Variants in FLG observed in about 807,000 individuals in gnomAD.
FLG encodes the protein epidermal filaggrin.
FLG carries 6 observed loss-of-function variants against 3.8 expected under a neutral mutation model. That is an observed-to-expected ratio of 1.60 (90% confidence interval 0.87 to 3.15). The LOEUF is 3.15. FLG is among the 30% of genes most tolerant of loss of function. FLG has a pLI of 0.00. For missense variants in FLG, 7,595 were observed against 5,050.9 expected, an observed-to-expected ratio of 1.50 and a Z score of -15.27; for synonymous variants, 2,551 against 1,931.6, an observed-to-expected ratio of 1.32 and a Z score of -8.41.
At position 152,310,373 on chromosome 1, in the gene FLG, G is replaced by T. The variant is rs780674540; in HGVS notation, c.4513C>A (p.His1505Asn). Reference protein sequence around the residue: ...SSRGGRQGSYHEQSVDRSGHS... With the variant: ...SSRGGRQGSYNEQSVDRSGHS... ...CCAGACCTATCTACTGATTGCTCGT[G>T]GTAGGATCCCTGCCTTCCTCCTCTG... The change falls in exon 3 of 3, where the codon CAC (histidine) becomes AAC (asparagine). Residue 1505 changes from histidine (H) to asparagine (N), a missense_variant. Coordinates refer to ENST00000368799, the MANE Select transcript of FLG (RefSeq NM_002016.2). 2 of 1,613,556 alleles carry T rather than the reference G, an allele frequency of 1.2e-6. No individual in the cohort carries two copies. The highest frequency in any genetic ancestry group is 1.7e-6 in the Non-Finnish European group (2 of 1,179,970).
chr1:152,308,148 G>A lies in FLG; in HGVS notation c.6738C>T (p.Asp2246=), dbSNP rs774174093. The change falls in exon 3 of 3, where the codon GAC becomes GAT. Residue 2246 remains aspartate, a synonymous_variant. Coordinates refer to ENST00000368799, the MANE Select transcript of FLG (RefSeq NM_002016.2). ...SRPRGSSVSQ[D]SDSEGHSEDS... is the part of the protein sequence containing the mutation. ...CTTCTGAGTGTCCCTCACTGTCACT[G>A]TCCTGGCTAACACTGGATCCCCGGG... The A allele has an allele frequency of 6.2e-7, 1 of 1,613,998 alleles. No homozygotes were observed. The highest frequency in any genetic ancestry group is 8.5e-7 in the Non-Finnish European group (1 of 1,180,006).
rs776519489 is a variant in FLG, at chr1:152,303,598, C to A, written c.11288G>T (p.Gly3763Val). Residue 3763 changes from glycine to valine, a missense_variant, in exon 3 of 3, where the codon GGG (glycine) becomes GTG (valine). Gly to Val is a moderately radical substitution (Grantham distance 109). Transcript: ENST00000368799. ...TCCCTGTCTTCCTCCTCTCCTTGACCCCGGGTGTCCACGAATGGTGTCCTG... is the reference window on the plus strand; with the variant it reads ...TCCCTGTCTTCCTCCTCTCCTTGACACCGGGTGTCCACGAATGGTGTCCTG... Reference protein sequence around the residue: ...EGQDTIRGHPGSRRGGRQGSY... With the variant: ...EGQDTIRGHPVSRRGGRQGSY... 1 of 1,613,880 alleles carries A rather than the reference C, an allele frequency of 6.2e-7. No individual in the cohort carries two copies. The highest frequency in any genetic ancestry group is 1.1e-5 in the South Asian group (1 of 91,068).
Position 152,309,709 on chromosome 1 carries a change from G to A in FLG, c.5177C>T (p.Ser1726Leu). The change falls in exon 3 of 3, where the codon TCA (serine) becomes TTA (leucine). Residue 1726 changes from serine to leucine, a missense_variant. Transcript: ENST00000368799. ...GSQASDSEGH[S>L]EESDTQSVSA... The stretch of plus-strand genomic sequence containing the variant: ...CACTGACTGTGTGTCTGACTCTTCT[G>A]AGTGTCCCTCGCTGTCACTGGCCTG... The A allele has an allele frequency of 6.2e-7, 1 of 1,614,060 alleles. No individual in the cohort carries two copies.
chr1:152,311,964 A>T lies in FLG; in HGVS notation c.2922T>A (p.Ala974=), dbSNP rs368643051. ...TGGAGCCATGTCTTGACTGCTCCTG[A>T]GCAGATCCACGATGGTTTCTGGAAG... is the stretch of plus-strand genomic sequence containing the variant. The part of the protein sequence containing the change: ...GSASRNHRGS[A]QEQSRHGSRH... The change falls in exon 3 of 3, where the codon GCT becomes GCA. Residue 974 remains alanine (A), a synonymous_variant. Coordinates refer to ENST00000368799, the MANE Select transcript of FLG (RefSeq NM_002016.2). The T allele has an allele frequency of 6.2e-7, 1 of 1,613,958 alleles. No homozygotes were observed. Among genetic ancestry groups the T allele is most frequent in the Non-Finnish European group, 8.5e-7 (1 of 1,179,956 alleles).
chr1:152,313,568 G>A lies in FLG; in HGVS notation c.1318C>T (p.His440Tyr), dbSNP rs781472255. 4 of 1,613,832 alleles carry A rather than the reference G, an allele frequency of 2.5e-6. No homozygotes were observed. In the South Asian group the frequency reaches 3.3e-5, roughly 13 times the overall value. Residue 440 changes from histidine (H) to tyrosine (Y), a missense_variant, in exon 3 of 3, where the codon CAC becomes TAC. Physicochemically the swap from His to Tyr is moderately conservative, Grantham distance 83. Transcript: ENST00000368799. ...ENSDTQSVSG[H>Y]GKAGLRQQSH... ...TGCTGTCTCAGCCCAGCCTTTCCGT[G>A]GCCTGACACTGATTGTGTGTCTGAG...
Position 152,305,219 on chromosome 1 carries a change from C to A in FLG, c.9667G>T (p.Gly3223Ter), listed in dbSNP as rs774585950. The A allele has an allele frequency of 1.9e-6, 3 of 1,613,378 alleles. No homozygotes were observed. The highest frequency in any genetic ancestry group is 2.5e-6 in the Non-Finnish European group (3 of 1,179,860). The change falls in exon 3 of 3, where the codon GGA becomes TGA. Residue 3223 changes from glycine to a stop codon, truncating the protein, a stop_gained. Coordinates refer to ENST00000368799, the MANE Select transcript of FLG (RefSeq NM_002016.2). LOFTEE classifies it low-confidence loss of function (END_TRUNC). ...SSVSQDSDSE[G>*]HSEDSERWSG... ...CACCTCTCAGAGTCTTCTGAATGTC[C>A]CTCACTGTCACTGTCCTGGCTCACA...
At position 152,310,047 on chromosome 1, in the gene FLG, C is replaced by G. The variant is rs756648697; in HGVS notation, c.4839G>C (p.Ser1613=). Residue 1613 remains serine, a synonymous_variant, in exon 3 of 3, where the codon TCG becomes TCC. Transcript: ENST00000368799. ...HSEDSERRSE[S]ASRNHYGSAR... ...CAGATCCATAATGGTTTCTGGAAGCCGACTCAGACCGCCTCTCAGAGTCTT... is the reference window on the plus strand; with the variant it reads ...CAGATCCATAATGGTTTCTGGAAGCGGACTCAGACCGCCTCTCAGAGTCTT... 1.2e-6 allele frequency: 2 copies of G among 1,613,428 alleles called. No individual in the cohort carries two copies. Among genetic ancestry groups the G allele is most frequent in the Non-Finnish European group, 1.7e-6 (2 of 1,179,880 alleles).
Position 152,305,148 on chromosome 1 carries a change from C to G in FLG, c.9738G>C (p.Gln3246His), listed in dbSNP as rs777693168. ...SRNHRGSVQE[Q>H]SRHGSRHPRS... Reference sequence around the variant, plus strand: ...TGGGGTGTCTGGAGCCGTGCCTTGACTGCTCCTGAACAGATCCACGATGGT... The same window carrying G: ...TGGGGTGTCTGGAGCCGTGCCTTGAGTGCTCCTGAACAGATCCACGATGGT... The change falls in exon 3 of 3, where the codon CAG becomes CAC. Residue 3246 changes from glutamine to histidine, a missense_variant. Transcript: ENST00000368799. The G allele has an allele frequency of 4.3e-6, 7 of 1,613,950 alleles. No individual in the cohort carries two copies. Among genetic ancestry groups the G allele is most frequent in the Non-Finnish European group, 5.9e-6 (7 of 1,179,980 alleles).
Position 152,311,037 on chromosome 1 carries a change from G to T in FLG, c.3849C>A (p.Ser1283=). 6.2e-7 allele frequency: 1 copy of T among 1,613,668 alleles called. No individual in the cohort carries two copies. Among genetic ancestry groups the T allele is most frequent in the South Asian group, 1.1e-5 (1 of 91,030 alleles). Residue 1283 remains serine, a synonymous_variant, in exon 3 of 3, where the codon TCC becomes TCA. Coordinates refer to ENST00000368799, the MANE Select transcript of FLG (RefSeq NM_002016.2). ...DSDSERHSDD[S]ERLSGSASRN... ...TGGAAGCAGACCCAGACAACCTCTC[G>T]GAGTCGTCTGAGTGTCTCTCACTGT...
chr1:152,309,025 G>T lies in FLG; in HGVS notation c.5861C>A (p.Ser1954Tyr), dbSNP rs1312154343. 8 of 1,614,192 alleles carry T rather than the reference G, an allele frequency of 5.0e-6. No homozygotes were observed. The highest frequency in any genetic ancestry group is 6.8e-6 in the Non-Finnish European group (8 of 1,180,036). ...GSAWEQSRDG[S>Y]RHPGSHHEDR... is the part of the protein sequence containing the mutation. ...TTCGTGATGGGACCCAGGGTGTCTG[G>T]AGCCATCTCTTGACTGCTCCCAAGC... Residue 1954 changes from serine (S) to tyrosine (Y), a missense_variant, in exon 3 of 3, where the codon TCC becomes TAC. Physicochemically the swap from Ser to Tyr is moderately radical, Grantham distance 144. Coordinates refer to ENST00000368799, the MANE Select transcript of FLG (RefSeq NM_002016.2).
chr1:152,314,667 C>G lies in FLG; in HGVS notation c.219G>C (p.Glu73Asp). The G allele has an allele frequency of 6.2e-7, 1 of 1,614,036 alleles. No individual in the cohort carries two copies. Among genetic ancestry groups the G allele is most frequent in the Non-Finnish European group, 8.5e-7 (1 of 1,179,982 alleles). The change falls in exon 3 of 3, where the codon GAG becomes GAC. Residue 73 changes from glutamate (E) to aspartate (D), a missense_variant. Physicochemically the swap from Glu to Asp is conservative, Grantham distance 45 (BLOSUM62 2). Coordinates refer to ENST00000368799, the MANE Select transcript of FLG (RefSeq NM_002016.2). ...IDHNKKIDFT[E>D]FLLMVFKLAQ... ...CCAACTTGAATACCATCAGAAGAAA[C>G]TCAGTGAAGTCAATTTTCTTGTTGT...
At position 152,314,654 on chromosome 1, in the gene FLG, C is replaced by A. The variant is rs753608358; in HGVS notation, c.232G>T (p.Val78Leu). The change falls in exon 3 of 3, where the codon GTA becomes TTA. Residue 78 changes from valine (V) to leucine (L), a missense_variant. Coordinates refer to ENST00000368799, the MANE Select transcript of FLG (RefSeq NM_002016.2). ...KIDFTEFLLM[V>L]FKLAQAYYES... ...TAATATGCTTGAGCCAACTTGAATA[C>A]CATCAGAAGAAACTCAGTGAAGTCA... 3 of 1,613,928 alleles carry A rather than the reference C, an allele frequency of 1.9e-6. No individual in the cohort carries two copies. The highest frequency in any genetic ancestry group is 2.7e-5 in the African/African-American group (2 of 74,896).
chr1:152,307,443 C>G lies in FLG; in HGVS notation c.7443G>C (p.Leu2481Phe). 5 of 1,613,112 alleles carry G rather than the reference C, an allele frequency of 3.1e-6. No individual in the cohort carries two copies. Among genetic ancestry groups the G allele is most frequent in the Non-Finnish European group, 3.4e-6 (4 of 1,179,708 alleles). The change falls in exon 3 of 3, where the codon TTG becomes TTC. Residue 2481 changes from leucine to phenylalanine, a missense_variant. Transcript: ENST00000368799. ...ACCCTGAGTGTCCAGATCTATCTAC[C>G]AATTGCTCGTAGTGGGATCCCTGCC... ...GGRQGSHYEQ[L>F]VDRSGHSGSH...
Position 152,302,776 on chromosome 1 carries a change from C to G in FLG, c.12110G>C (p.Gly4037Ala). The G allele has an allele frequency of 6.2e-7, 1 of 1,614,110 alleles. No individual in the cohort carries two copies. The stretch of plus-strand genomic sequence containing the variant: ...TATATCACTAGAATGGCCACATAAA[C>G]CTGGGTCCTTATTAATATACGTTGC... ...YYATYINKDP[G>A]LCGHSSDISK... The change falls in exon 3 of 3, where the codon GGT (glycine) becomes GCT (alanine). Residue 4037 changes from glycine to alanine, a missense_variant. Physicochemically the swap from Gly to Ala is moderately conservative, Grantham distance 60. Transcript: ENST00000368799.
Position 152,313,623 on chromosome 1 carries a change from C to T in FLG, c.1263G>A (p.Gln421=), listed in dbSNP as rs780905614. 1 of 1,613,986 alleles carries T rather than the reference C, an allele frequency of 6.2e-7. No homozygotes were observed. Among genetic ancestry groups the T allele is most frequent in the Non-Finnish European group, 8.5e-7 (1 of 1,180,000 alleles). The part of the protein sequence containing the change: ...DRGHRGSSGS[Q]ASDSEGHSEN... ...CTGAATGTCCCTCACTGTCACTGGC[C>T]TGACTACCGCTAGACCCCCGGTGTC... Residue 421 remains glutamine (Q), a synonymous_variant, in exon 3 of 3, where the codon CAG becomes CAA. Coordinates refer to ENST00000368799, the MANE Select transcript of FLG (RefSeq NM_002016.2).
chr1:152,311,759 T>C lies in FLG; in HGVS notation c.3127A>G (p.Ser1043Gly). Residue 1043 changes from serine (S) to glycine (G), a missense_variant, in exon 3 of 3, where the codon AGC (serine) becomes GGC (glycine). By Grantham distance (56) the Ser-to-Gly change is moderately conservative. Coordinates refer to ENST00000368799, the MANE Select transcript of FLG (RefSeq NM_002016.2). ...CGCGGAATGCCTGAGTGTCTGGAGC[T>C]GTCTGCTGACTGCTGGTGGCGGGAT... ...HGSRHQQSAD[S>G]SRHSGIPRRQ... The C allele has an allele frequency of 1.2e-6, 2 of 1,614,134 alleles. No individual in the cohort carries two copies. The highest frequency in any genetic ancestry group is 1.7e-6 in the Non-Finnish European group (2 of 1,180,026).
chr1:152,302,844 G>C lies in FLG; in HGVS notation c.12042C>G (p.Ile4014Met). The C allele has an allele frequency of 6.2e-7, 1 of 1,614,144 alleles. No individual in the cohort carries two copies. The highest frequency in any genetic ancestry group is 8.5e-7 in the Non-Finnish European group (1 of 1,180,002). Residue 4014 changes from isoleucine (I) to methionine (M), a missense_variant, in exon 3 of 3, where the codon ATC becomes ATG. Ile to Met is a conservative substitution (Grantham distance 10). Coordinates refer to ENST00000368799, the MANE Select transcript of FLG (RefSeq NM_002016.2). ...NPVVFKERSD[I>M]CKASAFGKDH... The stretch of plus-strand genomic sequence containing the variant: ...CTTTACCAAACGCACTTGCTTTACA[G>C]ATATCAGATCTTTCCTTGAAAACAA...
rs139749779 is a variant in FLG at position 152,312,710 on chromosome 1, C to A, written c.2176G>T (p.Gly726Trp). ...ACTGCAGATGAAGCTTGTCCGTGCCCAGTGCCTGAGTGTCTGGAGCTGTCT... is the reference window on the plus strand; with the variant it reads ...ACTGCAGATGAAGCTTGTCCGTGCCAAGTGCCTGAGTGTCTGGAGCTGTCT... ...SADSSRHSGT[G>W]HGQASSAVRD... Residue 726 changes from glycine to tryptophan, a missense_variant, in exon 3 of 3, where the codon GGG becomes TGG. Coordinates refer to ENST00000368799, the MANE Select transcript of FLG (RefSeq NM_002016.2). The A allele has an allele frequency of 3.7e-6, 6 of 1,613,842 alleles. No individual in the cohort carries two copies. Among genetic ancestry groups the A allele is most frequent in the Non-Finnish European group, 5.1e-6 (6 of 1,179,980 alleles).
At position 152,315,377 on chromosome 1, in the gene FLG, G is replaced by A. The variant is rs1168948116; in HGVS notation, c.80C>T (p.Thr27Ile). The change falls in exon 2 of 3, where the codon ACA becomes ATA. Residue 27 changes from threonine (T) to isoleucine (I), a missense_variant. Physicochemically the swap from Thr to Ile is moderately conservative, Grantham distance 89 (BLOSUM62 -1). Coordinates refer to ENST00000368799, the MANE Select transcript of FLG (RefSeq NM_002016.2). ...TTCCTTCAGCTCTTTTTTACTCAAT[G>A]TGTCAGTGTTTTTATCTTTTTTTGA... ...QYSKKDKNTDTLSKKELKELL... is the reference protein window; with the variant it reads ...QYSKKDKNTDILSKKELKELL... 6.2e-7 allele frequency: 1 copy of A among 1,612,868 alleles called. No individual in the cohort carries two copies. Among genetic ancestry groups the A allele is most frequent in the Admixed American group, 1.7e-5 (1 of 59,978 alleles).
Sources: allele counts gnomAD v4.1 joint callset, GRCh38; gene constraint gnomAD v4.1.1; transcripts MANE v1.5; gene names NCBI Gene and HGNC (gene_info 2026-07-23, HGNC 2026-07-21).